Variants in CNOT2 observed in about 807,000 individuals in gnomAD.
The protein encoded by CNOT2 is CC chemokine receptor 4-negative regulator of transcription 2.
Under a neutral mutation model 72.1 loss-of-function variants are expected in CNOT2, and 7 were observed. The ratio of observed to expected loss-of-function variants is 0.10; its 90% CI spans 0.06 to 0.18. CNOT2 has a LOEUF of 0.18. CNOT2 is among the 10% of genes least tolerant of loss of function. The pLI is 1.00. For missense variants in CNOT2, 345 were observed against 660.3 expected, an observed-to-expected ratio of 0.52 and a Z score of 5.23; for synonymous variants, 196 against 225.6, an observed-to-expected ratio of 0.87 and a Z score of 1.17.
intron 1 of CNOT2, among the ~76,000 whole-genome samples, chr12:70,267,659 C>T (rs1274945744): frequency 6.6e-6 from 1 of 152,190 alleles, no homozygotes; most frequent in African/African-American, 2.4e-5. Flanking sequence ...TACTCATCCC[C>T]TTTTATGTTG....
At chr12:70,337,905 A>G in intron 9 of CNOT2, 1 of 343,766 alleles carries the variant, frequency 2.9e-6, no homozygotes, top group South Asian at 2.4e-5. Context: ...TGACTTAACA[A>G]ATATGTTTAT....
chr12:70,251,715 G>T (rs1863839185), intron 1 of CNOT2, among the ~76,000 whole-genome samples: 1 of 152,148 alleles, frequency 6.6e-6, no homozygotes, highest in Non-Finnish European at 1.5e-5. Context: ...ATTCATATAA[G>T]CAGGATTTTT....
intron 2 of CNOT2, among the ~76,000 whole-genome samples, chr12:70,293,914 CT>C (rs34038348): frequency 0.23 from 16,246 of 71,120 alleles, 1,433 homozygotes; most frequent in East Asian, 0.56. Context: ...GTGAGCACTG[CT>C]TTTTTTTTTT....
intron 1 of CNOT2, among the ~76,000 whole-genome samples, chr12:70,275,548 G>GT (rs538326323): frequency 1.3e-4 from 20 of 152,010 alleles, no homozygotes; most frequent in Non-Finnish European, 2.8e-4. Flanking sequence ...GGAAACCATT[G>GT]TTTCATATAT....
chr12:70,293,373 G>C (rs12308775), intron 2 of CNOT2, among the ~76,000 whole-genome samples: 2,031 of 152,034 alleles, frequency 0.013, 45 homozygotes, highest in African/African-American at 0.046. Flanking sequence ...TGGTCAGGCT[G>C]GTCTCAAACT....
intron 2 of CNOT2, among the ~76,000 whole-genome samples, chr12:70,287,984 C>T (rs1038103543): frequency 4.7e-5 from 7 of 149,626 alleles, no homozygotes; most frequent in African/African-American, 1.7e-4. Context: ...CTTGAGGTTG[C>T]AGTCCACATA....
At chr12:70,274,938 T>C (rs1868508006) in intron 1 of CNOT2, among the ~76,000 whole-genome samples, 1 of 152,090 alleles carries the variant, frequency 6.6e-6, no homozygotes, top group Non-Finnish European at 1.5e-5. Context: ...GGACATCACG[T>C]CTTCACTGGA....
At chr12:70,304,026 G>A (rs948933434) in intron 2 of CNOT2, among the ~76,000 whole-genome samples, 27 of 152,084 alleles carry the variant, frequency 1.8e-4, no homozygotes, top group Non-Finnish European at 1.0e-4. Flanking sequence ...CATTCGTCAC[G>A]TTCTCGTGCC....
chr12:70,305,873 GTTTTTTTT>G lies in CNOT2; in HGVS notation c.49-5008_49-5001del, dbSNP rs11412509. On this transcript the variant is annotated intron_variant, in intron 2 of 15. Coordinates refer to ENST00000229195, the MANE Select transcript of CNOT2 (RefSeq NM_014515.7). The stretch of plus-strand genomic sequence containing the variant: ...TTCTTGGTTATTTTATCTGAAGTTT[GTTTTTTTT>G]TTTTTTTTTTTTTGGTAAATTTCTG... Among the ~76,000 whole-genome samples, 9 of 60,074 alleles carry G rather than the reference GTTTTTTTT, an allele frequency of 1.5e-4. No individual in the cohort carries two copies. In the East Asian group the frequency reaches 4.2e-3, roughly 28 times the overall value. The allele number at this position is 60,074 out of a possible 152,430, so 39.4% of individuals were successfully genotyped here.
chr12:70,317,886 A>C (rs1305551865), intron 3 of CNOT2, among the ~76,000 whole-genome samples: 1 of 151,962 alleles, frequency 6.6e-6, no homozygotes, highest in Non-Finnish European at 1.5e-5. Flanking sequence ...AATAGAAAAA[A>C]AAACAAACAA....
At chr12:70,338,199 G>T (rs1333282322) in intron 9 of CNOT2, 3 of 333,146 alleles carry the variant, frequency 9.0e-6, no homozygotes, top group Non-Finnish European at 1.6e-5. Context: ...CTGAAGATCT[G>T]AGATAAATAA....
intron 2 of CNOT2, among the ~76,000 whole-genome samples, chr12:70,303,690 G>T (rs1173187164): frequency 1.3e-5 from 2 of 152,114 alleles, no homozygotes; most frequent in Non-Finnish European, 2.9e-5. Flanking sequence ...TGACAATTAT[G>T]TGTCTTGGCG....
chr12:70,301,319 C>T (rs1045608522), intron 2 of CNOT2, among the ~76,000 whole-genome samples: 1 of 152,146 alleles, frequency 6.6e-6, no homozygotes, highest in Admixed American at 6.6e-5. Context: ...GGGAATGCTT[C>T]CAGTTTTTGT....
At chr12:70,311,256 A>C (rs1250163353) in intron 3 of CNOT2, among the ~76,000 whole-genome samples, 1 of 152,034 alleles carries the variant, frequency 6.6e-6, no homozygotes, top group Non-Finnish European at 1.5e-5. Context: ...CTGTGATAGA[A>C]GTACTCAAAG....
intron 1 of CNOT2, among the ~76,000 whole-genome samples, chr12:70,269,168 A>T (rs1357395870): frequency 6.6e-6 from 1 of 151,378 alleles, no homozygotes. Context: ...GTTTTCTCTC[A>T]CTCTGTCACT....
intron 1 of CNOT2, among the ~76,000 whole-genome samples, chr12:70,271,517 G>A (rs187539510): frequency 6.3e-4 from 95 of 151,800 alleles, no homozygotes; most frequent in African/African-American, 2.2e-3. Context: ...GGGATTACAG[G>A]CACCCACCAT....
At chr12:70,309,208 G>A (rs970617353) in intron 2 of CNOT2, among the ~76,000 whole-genome samples, 5 of 152,056 alleles carry the variant, frequency 3.3e-5, no homozygotes, top group Admixed American at 6.6e-5. Context: ...AGATTCACCA[G>A]GAGTCTGTTT....
At chr12:70,336,758 C>T (rs1359937871) in intron 8 of CNOT2, 2 of 151,994 alleles carry the variant, frequency 1.3e-5, no homozygotes, top group Admixed American at 6.6e-5. Flanking sequence ...TAATCATTCC[C>T]GTTGCTCTCC....
chr12:70,317,479 T>C (rs1417423459), intron 3 of CNOT2, among the ~76,000 whole-genome samples: 5 of 151,992 alleles, frequency 3.3e-5, no homozygotes. Context: ...AAAGAACTTA[T>C]CAGGCATCTT....
Sources: allele counts gnomAD v4.1 joint callset (sites outside exome capture counted in the v4.1 genomes callset), GRCh38; gene constraint gnomAD v4.1.1; transcripts MANE v1.5; gene names NCBI Gene and HGNC (gene_info 2026-07-23, HGNC 2026-07-21).